TMEM266: variants seen among roughly 807,000 people sequenced by gnomAD.
TMEM266 encodes the protein Hv1 related protein 1.
In TMEM266, 33 loss-of-function variants were observed where a neutral mutation model predicts 50.5. The observed-to-expected ratio is 0.65, with a 90% CI of 0.50 to 0.87. TMEM266 has a LOEUF of 0.87. Among genes scored for constraint, TMEM266 ranks in the 40% least tolerant of loss-of-function variants. TMEM266 has a pLI of 0.00. For missense variants in TMEM266, 655 were observed against 695.1 expected, an observed-to-expected ratio of 0.94 and a Z score of 0.65; for synonymous variants, 310 against 292.3, an observed-to-expected ratio of 1.06 and a Z score of -0.62.
intron 7 of TMEM266, 172 bp from the exon 8 acceptor site, chr15:76,175,387 G>A (rs1186432775): frequency 5.1e-6 from 3 of 591,112 alleles, no homozygotes; most frequent in Non-Finnish European, 9.1e-6. Flanking sequence ...AGCGAAGGCT[G>A]TGGCCCTCTG....
chr15:76,136,058 C>G (rs1383338005), intron 2 of TMEM266, among the ~76,000 whole-genome samples: 1 of 152,120 alleles, frequency 6.6e-6, no homozygotes, highest in East Asian at 1.9e-4. Flanking sequence ...ATTCTCCTGC[C>G]TCAGCCTCCC....
At chr15:76,151,960 G>A (rs2037851928) in intron 3 of TMEM266, among the ~76,000 whole-genome samples, 1 of 152,200 alleles carries the variant, frequency 6.6e-6, no homozygotes, top group Admixed American at 6.5e-5. Flanking sequence ...CTCCCGCAGA[G>A]GTTGTTGTTC....
chr15:76,204,606 T>A lies in TMEM266; in HGVS notation c.*291T>A. 3 of 260,624 alleles carry A rather than the reference T, an allele frequency of 1.2e-5. No individual in the cohort carries two copies. The highest frequency in any genetic ancestry group is 1.5e-4 in the East Asian group (2 of 12,962). The allele number at this position is 260,624 out of a possible 1,614,324, so 16.1% of individuals were successfully genotyped here. A position where few individuals can be genotyped will look rare whatever the true frequency, so the allele number is the denominator to read the frequency against. On this transcript the variant is annotated 3_prime_UTR_variant, in exon 11 of 11. Transcript: ENST00000388942. ...AGCCTGTGGCCCAGCTTCAGCAGGG[T>A]AGAGTGTGGGGGGGCCAGCTCAGCC...
chr15:76,166,857 G>A (rs778373124), intron 5 of TMEM266, among the ~76,000 whole-genome samples: 9 of 152,196 alleles, frequency 5.9e-5, no homozygotes, highest in Non-Finnish European at 1.2e-4. Flanking sequence ...CTCTAAAGGT[G>A]CATGGTGGTG....
rs912590842 is a variant in TMEM266, at chr15:76,192,022, G to A, written c.823G>A (p.Ala275Thr). 4 of 1,572,560 alleles carry A rather than the reference G, an allele frequency of 2.5e-6. No homozygotes were observed. The highest frequency in any genetic ancestry group is 2.3e-4 in the Middle Eastern group (1 of 4,338). The change falls in exon 9 of 11, where the codon GCC (alanine) becomes ACC (threonine). Residue 275 changes from alanine (A) to threonine (T), a missense_variant. This residue lies in a region of TMEM266 where 455 missense variants were observed against 401.8 expected (regional missense o/e 1.13). Coordinates refer to ENST00000388942, the MANE Select transcript of TMEM266 (RefSeq NM_152335.3). ...LAAEREAALQAPHVLSQPRSR... is the reference protein window; with the variant it reads ...LAAEREAALQTPHVLSQPRSR... ...GGCGCAGCAGGACCTGGACCTGGCTGCCGAGCGCGAAGCGGCGCTCCAGGC... is the reference window on the plus strand; with the variant it reads ...GGCGCAGCAGGACCTGGACCTGGCTACCGAGCGCGAAGCGGCGCTCCAGGC...
chr15:76,169,817 C>G lies in TMEM266; in HGVS notation c.458C>G (p.Thr153Ser), dbSNP rs1490068727. 6.2e-7 allele frequency: 1 copy of G among 1,613,838 alleles called. No individual in the cohort carries two copies. Among genetic ancestry groups the G allele is most frequent in the Non-Finnish European group, 8.5e-7 (1 of 1,179,762 alleles). Residue 153 changes from threonine to serine, a missense_variant and splice_region_variant, in exon 6 of 11, where the codon ACT (threonine) becomes AGT (serine). Thr to Ser is a moderately conservative substitution (Grantham distance 58). This residue lies in a region of TMEM266 where 101 missense variants were observed against 182.6 expected (regional missense o/e 0.55). Transcript: ENST00000388942. Reference sequence around the variant, plus strand: ...CACTTTCTCACTTCCTTTCCTCAGACTGTTCTACGGATTGTGGTGCTTGGG... The same window carrying G: ...CACTTTCTCACTTCCTTTCCTCAGAGTGTTCTACGGATTGTGGTGCTTGGG...
chr15:76,174,286 C>T (rs145349574), intron 7 of TMEM266, among the ~76,000 whole-genome samples: 57 of 152,284 alleles, frequency 3.7e-4, no homozygotes, highest in African/African-American at 1.3e-3. Flanking sequence ...CATGGTAGCT[C>T]ATGCCTGTAA....
rs552849032 is a variant in TMEM266, at chr15:76,166,112, G to A, written c.457-3704G>A. Among the ~76,000 whole-genome samples the A allele has an allele frequency of 3.3e-5, 5 of 152,238 alleles. No individual in the cohort carries two copies. The South Asian group carries it at 6.2e-4, about 19-fold the overall frequency. ...CAGGCAGTCCGTGGGTTAGTCCAGC[G>A]CGTGTTTTCGGAGGTGTTAAGACTA... On this transcript the variant is annotated intron_variant, in intron 5 of 10. Transcript: ENST00000388942.
At chr15:76,126,980 A>G (rs1478918350) in intron 1 of TMEM266, among the ~76,000 whole-genome samples, 3 of 152,186 alleles carry the variant, frequency 2.0e-5, no homozygotes, top group Non-Finnish European at 4.4e-5. Context: ...AAATGAATAC[A>G]TGCTGGAGAC....
At chr15:76,122,540 AT>A (rs1404174831) in intron 1 of TMEM266, among the ~76,000 whole-genome samples, 1 of 152,198 alleles carries the variant, frequency 6.6e-6, no homozygotes, top group African/African-American at 2.4e-5. Flanking sequence ...TTCCTAACAT[AT>A]TTTAGTTAAT....
intron 8 of TMEM266, among the ~76,000 whole-genome samples, chr15:76,188,988 T>C (rs1453898902): frequency 6.6e-6 from 1 of 152,166 alleles, no homozygotes; most frequent in East Asian, 1.9e-4. Flanking sequence ...GAGACCAGTC[T>C]GGGCAACATG....
chr15:76,201,762 C>T (rs1026420994), intron 9 of TMEM266, among the ~76,000 whole-genome samples: 1 of 152,204 alleles, frequency 6.6e-6, no homozygotes, highest in African/African-American at 2.4e-5. Flanking sequence ...TGGATGGCAC[C>T]TCAGCCCTGT....
chr15:76,175,416 G>A (rs1033388727), intron 7 of TMEM266, 143 bp from the exon 8 acceptor site: 7 of 630,968 alleles, frequency 1.1e-5, no homozygotes, highest in African/African-American at 5.5e-5. Flanking sequence ...GGATGCTCTC[G>A]GGTACCTGGA....
intron 9 of TMEM266, among the ~76,000 whole-genome samples, chr15:76,195,118 C>G (rs1463352418): frequency 1.3e-5 from 2 of 152,188 alleles, no homozygotes; most frequent in African/African-American, 2.4e-5. Context: ...CCAGACTTCT[C>G]TTCATGCTTA....
At chr15:76,133,237 C>T (rs1220364518) in intron 1 of TMEM266, among the ~76,000 whole-genome samples, 1 of 152,070 alleles carries the variant, frequency 6.6e-6, no homozygotes, top group Non-Finnish European at 1.5e-5. Context: ...AATTCGAGAC[C>T]AGCCTGACCA....
Position 76,191,976 on chromosome 15 carries a change from C to G in TMEM266, c.777C>G (p.Ile259Met), listed in dbSNP as rs942439962. 6.3e-7 allele frequency: 1 copy of G among 1,582,666 alleles called. No individual in the cohort carries two copies. Among genetic ancestry groups the G allele is most frequent in the Non-Finnish European group, 8.6e-7 (1 of 1,169,478 alleles). ...CCCGTCTCCCTCCGCAGTTTGAGAT[C>G]CGGCAGCTGCGCGCGCACCTGGCGC... Residue 259 changes from isoleucine (I) to methionine (M), a missense_variant, in exon 9 of 11, where the codon ATC becomes ATG. Ile to Met is a conservative substitution (Grantham distance 10, BLOSUM62 1). This residue lies in a region of TMEM266 where 455 missense variants were observed against 401.8 expected (regional missense o/e 1.13). Coordinates refer to ENST00000388942, the MANE Select transcript of TMEM266 (RefSeq NM_152335.3).
chr15:76,169,972 C>CCAGCCTTCTTGA, intron 6 of TMEM266, 100 bp downstream of exon 6: 1 of 1,279,998 alleles, frequency 7.8e-7, no homozygotes. Context: ...ATCAAGAAGG[C>CCAGCCTTCTTGA]TGGTTCCTTC....
intron 7 of TMEM266, chr15:76,174,966 T>C (rs1247215580): frequency 6.6e-6 from 1 of 152,592 alleles, no homozygotes; most frequent in Non-Finnish European, 1.5e-5. Context: ...CTGTTAGGAA[T>C]AATGCTGTTA....
At chr15:76,180,709 G>A (rs1205938745) in intron 8 of TMEM266, among the ~76,000 whole-genome samples, 1 of 146,020 alleles carries the variant, frequency 6.8e-6, no homozygotes, top group Admixed American at 7.3e-5. Context: ...CACCTCCTGG[G>A]TTCAAGAGAT....
Sources: gnomAD v4.1 joint callset for allele counts (sites outside exome capture counted in the v4.1 genomes callset) on GRCh38, gnomAD v4.1.1 for gene constraint, gnomAD v4.1.1 regional missense constraint, MANE v1.5 for transcripts, NCBI Gene and HGNC (gene_info 2026-07-23, HGNC 2026-07-21) for gene names.